KIAA1755: variants seen among roughly 807,000 people sequenced by gnomAD.
KIAA1755 encodes the protein KIAA1755, also known as uncharacterized protein KIAA1755.
KIAA1755 carries 68 observed loss-of-function variants against 91.7 expected under a neutral mutation model. That is an observed-to-expected ratio of 0.74 (90% CI 0.61 to 0.91). KIAA1755 has a LOEUF of 0.91. Ranked by LOEUF, KIAA1755 falls within the 40% of genes least tolerant of loss-of-function variation. KIAA1755 has a pLI of 0.00. For missense variants in KIAA1755, 1,535 were observed against 1,494.4 expected, an observed-to-expected ratio of 1.03 and a Z score of -0.45; for synonymous variants, 610 against 604.6, an observed-to-expected ratio of 1.01 and a Z score of -0.13.
At chr20:38,230,912 C>A (rs1306173516) in intron 5 of KIAA1755, among the ~76,000 whole-genome samples, 3 of 151,934 alleles carry the variant, frequency 2.0e-5, no homozygotes, top group African/African-American at 7.3e-5. Context: ...AAATGAAAAC[C>A]ACTGATCTAC....
chr20:38,229,535 T>G (rs1345716801), intron 5 of KIAA1755, among the ~76,000 whole-genome samples: 1 of 152,172 alleles, frequency 6.6e-6, no homozygotes, highest in Non-Finnish European at 1.5e-5. Context: ...CTGGAGGCCC[T>G]TAAAAGTCAG....
At position 38,260,546 on chromosome 20, in the gene KIAA1755, G is replaced by A; in HGVS notation, c.-46C>T. ...GGGCGGCGCGGCTCCTCTCCTGGGC[G>A]CGGGGTCTGTGGGTCCGCGGGTCCG... On this transcript the variant is annotated 5_prime_UTR_variant, in exon 1 of 14. Coordinates refer to ENST00000279024, the MANE Select transcript of KIAA1755 (RefSeq NM_001029864.2). 4 of 1,482,882 alleles carry A rather than the reference G, an allele frequency of 2.7e-6. No individual in the cohort carries two copies. The highest frequency in any genetic ancestry group is 3.6e-6 in the Non-Finnish European group (4 of 1,119,912). 91.9% of individuals were successfully genotyped at this position (1,482,882 alleles called of 1,614,324 possible).
Position 38,246,113 on chromosome 20 carries a change from A to T in KIAA1755, c.17T>A (p.Leu6His). ...CAGGGCATGCTGGATGGCTGTGTCGAGGGATGGAGGGTCCTGTGGGGGACA... is the reference window on the plus strand; with the variant it reads ...CAGGGCATGCTGGATGGCTGTGTCGTGGGATGGAGGGTCCTGTGGGGGACA... MDPPS[L>H]DTAIQHALAG... The change falls in exon 2 of 14, where the codon CTC becomes CAC. Residue 6 changes from leucine to histidine, a missense_variant. Transcript: ENST00000279024. 6.2e-7 allele frequency: 1 copy of T among 1,613,090 alleles called. No individual in the cohort carries two copies. The highest frequency in any genetic ancestry group is 8.5e-7 in the Non-Finnish European group (1 of 1,179,780).
At position 38,212,808 on chromosome 20, in the gene KIAA1755, C is replaced by T. The variant is rs570109996; in HGVS notation, c.*234G>A. The stretch of plus-strand genomic sequence containing the variant: ...GGAGCCAATCACACCATTTATTGTG[C>T]CCTGGTTCTGACGCCCACTCTTGCT... On this transcript the variant is annotated 3_prime_UTR_variant, in exon 14 of 14. Transcript: ENST00000279024. The T allele has an allele frequency of 8.4e-6, 4 of 473,812 alleles. No homozygotes were observed. The East Asian group carries it at 9.3e-5, about 11-fold the overall frequency. The allele number at this position is 473,812 out of a possible 1,614,324, so 29.4% of individuals were successfully genotyped here.
chr20:38,230,481 A>ACAAATGCAGATTTTCAGGTCCCACCC (rs1197833475), intron 5 of KIAA1755, among the ~76,000 whole-genome samples: 8 of 152,226 alleles, frequency 5.3e-5, no homozygotes, highest in African/African-American at 1.9e-4. Context: ...GAAATTTGTT[A>ACAAATGCAGATTTTCAGGTCCCACCC]CAAATGCAGA....
At chr20:38,214,788 G>T (rs2123048762) in intron 13 of KIAA1755, among the ~76,000 whole-genome samples, 1 of 152,350 alleles carries the variant, frequency 6.6e-6, no homozygotes, top group East Asian at 1.9e-4. Flanking sequence ...AGACTGCAAA[G>T]AAGCCAACAC....
At position 38,213,305 on chromosome 20, in the gene KIAA1755, T is replaced by TG. The variant is rs1357875030; in HGVS notation, c.3339dup (p.Arg1114GlnfsTer24). On this transcript the variant is annotated frameshift_variant, in exon 14 of 14. Coordinates refer to ENST00000279024, the MANE Select transcript of KIAA1755 (RefSeq NM_001029864.2). LOFTEE classifies it low-confidence loss of function (END_TRUNC). ...TGGAAAGTTCTGTTCTGTTCCCCTC[T>TG]GGGGGGCCCAGGAGGCCAATAGGAC... 1 of 1,613,728 alleles carries TG rather than the reference T, an allele frequency of 6.2e-7. No individual in the cohort carries two copies. The highest frequency in any genetic ancestry group is 8.5e-7 in the Non-Finnish European group (1 of 1,179,840).
At position 38,241,168 on chromosome 20, in the gene KIAA1755, C is replaced by G. The variant is rs199560997; in HGVS notation, c.963G>C (p.Leu321=). The G allele has an allele frequency of 1.1e-5, 17 of 1,614,208 alleles. No individual in the cohort carries two copies. The African/African-American group carries it at 2.1e-4, about 20-fold the overall frequency. ...TKETPLFQKI[L]PLSEANEGPS... is the part of the protein sequence containing the mutation. ...GTCCTTCATTGGCCTCTGAGAGAGG[C>G]AGTATCTTTTGAAATAAGGGAGTTT... Residue 321 remains leucine (L), a synonymous_variant, in exon 3 of 14, where the codon CTG becomes CTC. Transcript: ENST00000279024.
Position 38,219,691 on chromosome 20 carries a change from C to A in KIAA1755, c.2495G>T (p.Ser832Ile), listed in dbSNP as rs763698137. 6.2e-7 allele frequency: 1 copy of A among 1,614,114 alleles called. No individual in the cohort carries two copies. The highest frequency in any genetic ancestry group is 8.5e-7 in the Non-Finnish European group (1 of 1,179,988). The change falls in exon 11 of 14, where the codon AGC (serine) becomes ATC (isoleucine). Residue 832 changes from serine to isoleucine, a missense_variant. Ser to Ile is a moderately radical substitution (Grantham distance 142). Transcript: ENST00000279024. The part of the protein sequence containing the change: ...QLHVLVTASN[S>I]LLGKLELRVR... Reference sequence around the variant, plus strand: ...ACGGAGCTCCAGCTTCCCCAGGAGGCTGTTGGAAGCGGTGACCAGAACATG... The same window carrying A: ...ACGGAGCTCCAGCTTCCCCAGGAGGATGTTGGAAGCGGTGACCAGAACATG...
intron 10 of KIAA1755, among the ~76,000 whole-genome samples, 162 bp from the exon 11 acceptor site, chr20:38,219,930 C>T (rs2075627421): frequency 6.6e-6 from 1 of 152,212 alleles, no homozygotes; most frequent in Non-Finnish European, 1.5e-5. Flanking sequence ...GGGCCTCAGC[C>T]TTGGTCTTCC....
In KIAA1755 at chr20:38,212,317, G is replaced by T. The variant is rs185501424; in HGVS notation, c.*725C>A. ...GAGACCCTGTCTCTGGTGGGGTCGG[G>T]GGGGGTGGGCGGAAAAGGCAATCCC... On this transcript the variant is annotated 3_prime_UTR_variant, in exon 14 of 14. Transcript: ENST00000279024. 3.3e-3 allele frequency: 504 copies of T among 152,122 alleles called. 3 individuals carry two copies. Among genetic ancestry groups the T allele is most frequent in the Non-Finnish European group, 5.0e-3 (338 of 68,124 alleles). The allele number at this position is 152,122 out of a possible 1,614,324, so 9.4% of individuals were successfully genotyped here. A position where few individuals can be genotyped will look rare whatever the true frequency, so the allele number is the denominator to read the frequency against.
chr20:38,256,437 T>C (rs1434609336), intron 1 of KIAA1755, among the ~76,000 whole-genome samples: 1 of 152,254 alleles, frequency 6.6e-6, no homozygotes, highest in African/African-American at 2.4e-5. Flanking sequence ...TCTAATTTGT[T>C]ATTGGCTTAC....
intron 3 of KIAA1755, among the ~76,000 whole-genome samples, chr20:38,240,183 C>T (rs576494431): frequency 1.3e-5 from 2 of 152,172 alleles, no homozygotes; most frequent in African/African-American, 2.4e-5. Flanking sequence ...CAAATTCTCC[C>T]GCTTCAGCCA....
chr20:38,239,564 C>T lies in KIAA1755; in HGVS notation c.1711G>A (p.Val571Ile), dbSNP rs963233212. 3.7e-6 allele frequency: 6 copies of T among 1,613,316 alleles called. No homozygotes were observed. The highest frequency in any genetic ancestry group is 1.1e-5 in the South Asian group (1 of 91,016). The stretch of plus-strand genomic sequence containing the variant: ...GCTATCCTGGAGCGGAAAACCTTGA[C>T]ACCTAGAGCCCCAATCCTGGGCTCA... ...GPEPRIGALG[V>I]KVFRSRIACL... The change falls in exon 4 of 14, where the codon GTC becomes ATC. Residue 571 changes from valine (V) to isoleucine (I), a missense_variant. Physicochemically the swap from Val to Ile is conservative, Grantham distance 29 (BLOSUM62 3). Transcript: ENST00000279024.
chr20:38,247,335 G>A (rs760964498), intron 1 of KIAA1755, among the ~76,000 whole-genome samples: 10 of 151,350 alleles, frequency 6.6e-5, no homozygotes, highest in African/African-American at 1.7e-4. Flanking sequence ...TCCATGCTTC[G>A]GCCACAGTGG....
In KIAA1755 at chr20:38,212,148, CA is replaced by C. The variant is rs1207857883; in HGVS notation, c.*893del. 1 of 151,950 alleles carries C rather than the reference CA, an allele frequency of 6.6e-6. No individual in the cohort carries two copies. 9.4% of individuals were successfully genotyped at this position (151,950 alleles called of 1,614,324 possible). On this transcript the variant is annotated 3_prime_UTR_variant, in exon 14 of 14. Coordinates refer to ENST00000279024, the MANE Select transcript of KIAA1755 (RefSeq NM_001029864.2). ...GCAACATAGCAAGACCCCATGTCTA[CA>C]AAAAATAAATAAATAATAAGCTGAG...
chr20:38,218,405 TAGG>T (rs754745638), intron 11 of KIAA1755, 39 bp from the exon 12 acceptor site: 1 of 1,611,204 alleles, frequency 6.2e-7, no homozygotes, highest in African/African-American at 1.3e-5. Flanking sequence ...GAGGGGCTGC[TAGG>T]AGACCTCCCT....
intron 7 of KIAA1755, among the ~76,000 whole-genome samples, chr20:38,226,175 G>T (rs1403755106): frequency 6.6e-6 from 1 of 152,186 alleles, no homozygotes; most frequent in Non-Finnish European, 1.5e-5. Flanking sequence ...GTTCCCTGAG[G>T]AGCCAAGAGC....
At position 38,210,944 on chromosome 20, in the gene KIAA1755, C is replaced by T. The variant is rs1161917355; in HGVS notation, c.*2098G>A. On this transcript the variant is annotated 3_prime_UTR_variant, in exon 14 of 14. Transcript: ENST00000279024. ...AGGGAGGGGAATGCAAGAATCAAAC[C>T]TGGCTTTGGGTGGAGGACTCAGGCC... The T allele has an allele frequency of 1.3e-5, 2 of 152,334 alleles. No homozygotes were observed. Among genetic ancestry groups the T allele is most frequent in the Non-Finnish European group, 2.9e-5 (2 of 68,122 alleles). 9.4% of individuals were successfully genotyped at this position (152,334 alleles called of 1,614,324 possible). A position where few individuals can be genotyped will look rare whatever the true frequency, so the allele number is the denominator to read the frequency against.
Sources: gnomAD v4.1 joint callset for allele counts (sites outside exome capture counted in the v4.1 genomes callset) on GRCh38, gnomAD v4.1.1 for gene constraint, MANE v1.5 for transcripts, NCBI Gene and HGNC (gene_info 2026-07-23, HGNC 2026-07-21) for gene names.